Variants in EPHB1 observed in about 807,000 individuals in gnomAD.
The protein encoded by EPHB1 is EPH receptor B1.
In EPHB1, 30 loss-of-function variants were observed where a neutral mutation model predicts 94.4. That is an observed-to-expected ratio of 0.32 (90% CI 0.24 to 0.43). EPHB1 has a LOEUF of 0.43. Among genes scored for constraint, EPHB1 ranks in the 20% least tolerant of loss-of-function variants. EPHB1 has a pLI of 1.00. For synonymous variants in EPHB1, 522 were observed against 489.1 expected (o/e 1.07, Z -0.89); for missense variants, 1,055 against 1,308.3 (o/e 0.81, Z 2.99).
At chr3:134,942,315 G>A (rs1439802912) in intron 2 of EPHB1, among the ~76,000 whole-genome samples, 1 of 144,106 alleles carries the variant, frequency 6.9e-6, no homozygotes, top group East Asian at 1.9e-4. Flanking sequence ...CATACGAGCA[G>A]GGGAATTAAG....
At chr3:134,844,651 G>A (rs368702655) in intron 1 of EPHB1, among the ~76,000 whole-genome samples, 9 of 152,328 alleles carry the variant, frequency 5.9e-5, no homozygotes, top group African/African-American at 1.9e-4. Flanking sequence ...GAGCTCAGGG[G>A]AGGGTGAGGA....
intron 1 of EPHB1, among the ~76,000 whole-genome samples, chr3:134,859,723 C>A (rs1411613908): frequency 6.6e-6 from 1 of 152,160 alleles, no homozygotes; most frequent in Non-Finnish European, 1.5e-5. Context: ...AATTAACAAG[C>A]AGTTATTTTT....
chr3:135,145,646 C>A (rs1236137396), intron 5 of EPHB1, among the ~76,000 whole-genome samples: 4 of 152,196 alleles, frequency 2.6e-5, no homozygotes, highest in African/African-American at 9.7e-5. Context: ...ATTAGGGTAA[C>A]GTTACAGCTG....
At chr3:134,895,165 C>T (rs2038063934) in intron 1 of EPHB1, among the ~76,000 whole-genome samples, 2 of 152,184 alleles carry the variant, frequency 1.3e-5, no homozygotes, top group Admixed American at 6.5e-5. Context: ...AACCCCAGTG[C>T]CCTCTGCTTT....
intron 8 of EPHB1, among the ~76,000 whole-genome samples, chr3:135,166,517 T>A (rs1306734028): frequency 6.6e-6 from 1 of 152,178 alleles, no homozygotes; most frequent in African/African-American, 2.4e-5. Flanking sequence ...GCAGAAAAGC[T>A]GGCCCCGAAA....
intron 3 of EPHB1, chr3:134,978,018 C>A (rs975118746): frequency 2.2e-6 from 1 of 455,210 alleles, no homozygotes. Context: ...ATTGGAGGAG[C>A]CTGGTATTTC....
intron 3 of EPHB1, among the ~76,000 whole-genome samples, chr3:135,076,837 G>T (rs1468295154): frequency 6.6e-6 from 1 of 152,220 alleles, no homozygotes; most frequent in African/African-American, 2.4e-5. Flanking sequence ...ATTGAAGCCA[G>T]ATTTTTGAAA....
intron 1 of EPHB1, among the ~76,000 whole-genome samples, chr3:134,821,150 G>C (rs977938527): frequency 1.3e-5 from 2 of 152,198 alleles, no homozygotes; most frequent in African/African-American, 4.8e-5. Context: ...CAGCCCAAAG[G>C]CATATTCTGG....
intron 5 of EPHB1, among the ~76,000 whole-genome samples, chr3:135,136,497 G>A (rs1166514405): frequency 6.6e-6 from 1 of 152,134 alleles, no homozygotes; most frequent in African/African-American, 2.4e-5. Flanking sequence ...TTTTGTTTCT[G>A]TTCTTTTTAC....
At chr3:134,883,795 G>T (rs2108312927) in intron 1 of EPHB1, among the ~76,000 whole-genome samples, 1 of 152,328 alleles carries the variant, frequency 6.6e-6, no homozygotes, top group South Asian at 2.1e-4. Context: ...TCCCAGTGAG[G>T]CCGGAGACTC....
intron 1 of EPHB1, among the ~76,000 whole-genome samples, chr3:134,814,291 C>A (rs111279875): frequency 0.015 from 2,280 of 152,216 alleles, 58 homozygotes; most frequent in African/African-American, 0.052. Flanking sequence ...CTAGGGTATA[C>A]TTATGGATAA....
intron 3 of EPHB1, among the ~76,000 whole-genome samples, chr3:135,086,884 C>T (rs533426924): frequency 6.6e-6 from 1 of 152,312 alleles, no homozygotes; most frequent in East Asian, 1.9e-4. Flanking sequence ...GTTGCTGAAG[C>T]TGTATAGTCA....
At chr3:135,077,948 ACT>A (rs1321994826) in intron 3 of EPHB1, among the ~76,000 whole-genome samples, 2 of 152,196 alleles carry the variant, frequency 1.3e-5, no homozygotes, top group Non-Finnish European at 2.9e-5. Flanking sequence ...TATGTGGAAG[ACT>A]CTATAGAAAG....
chr3:135,111,970 G>A (rs930533118), intron 4 of EPHB1, among the ~76,000 whole-genome samples: 3 of 152,216 alleles, frequency 2.0e-5, no homozygotes, highest in South Asian at 2.1e-4. Context: ...GAGCCACCGC[G>A]CCCAGCCCAT....
intron 3 of EPHB1, among the ~76,000 whole-genome samples, chr3:134,961,133 G>A (rs911601777): frequency 5.3e-5 from 8 of 152,268 alleles, no homozygotes; most frequent in Admixed American, 2.0e-4. Context: ...ACTGGTACTG[G>A]GCCCTGTATG....
chr3:135,151,064 T>C (rs1014736889), intron 5 of EPHB1, among the ~76,000 whole-genome samples: 11 of 152,232 alleles, frequency 7.2e-5, no homozygotes, highest in Non-Finnish European at 4.4e-5. Context: ...CTGCCTACTG[T>C]GCTGCTCAGG....
chr3:134,883,652 C>T (rs2037806556), intron 1 of EPHB1, among the ~76,000 whole-genome samples: 1 of 152,088 alleles, frequency 6.6e-6, no homozygotes, highest in East Asian at 1.9e-4. Context: ...AGGTATGAGC[C>T]CTGAATTAGC....
intron 2 of EPHB1, among the ~76,000 whole-genome samples, chr3:134,930,487 G>A (rs2038885387): frequency 1.3e-5 from 2 of 152,158 alleles, no homozygotes; most frequent in African/African-American, 4.8e-5. Context: ...GCTATCCCAG[G>A]GACCCTCACC....
At chr3:134,835,672 A>G (rs1041453431) in intron 1 of EPHB1, among the ~76,000 whole-genome samples, 1 of 152,206 alleles carries the variant, frequency 6.6e-6, no homozygotes, top group African/African-American at 2.4e-5. Context: ...CAGGTGGGAC[A>G]TACATTGGAG....
Sources: allele counts gnomAD v4.1 joint callset (sites outside exome capture counted in the v4.1 genomes callset), GRCh38; gene constraint gnomAD v4.1.1; transcripts MANE v1.5; gene names NCBI Gene and HGNC (gene_info 2026-07-23, HGNC 2026-07-21).